PDCD6IP: variants seen among roughly 807,000 people sequenced by gnomAD.
PDCD6IP encodes programmed cell death 6-interacting protein.
In PDCD6IP, 43 loss-of-function variants were observed where a neutral mutation model predicts 103.7. That is an observed-to-expected ratio of 0.41 (90% CI 0.32 to 0.53). PDCD6IP has a LOEUF of 0.53. Among genes scored for constraint, PDCD6IP ranks in the 20% least tolerant of loss-of-function variants. The pLI is 0.16. For synonymous variants in PDCD6IP, 354 were observed against 378.7 expected (o/e 0.93, Z 0.76); for missense variants, 871 against 1,036.7 (o/e 0.84, Z 2.20).
chr3:33,828,854 A>G lies in PDCD6IP; in HGVS notation c.719A>G (p.Glu240Gly). 1 of 1,612,828 alleles carries G rather than the reference A, an allele frequency of 6.2e-7. No individual in the cohort carries two copies. The highest frequency in any genetic ancestry group is 8.5e-7 in the Non-Finnish European group (1 of 1,179,130). ...CCTGGTCAGTATTTTTATTTCCAGG[A>G]GGTGTTCCCTGTCTTGGCTGCAAAG... The part of the protein sequence containing the change: ...QCQYKDTLPK[E>G]VFPVLAAKHC... Residue 240 changes from glutamate to glycine, a missense_variant and splice_region_variant, in exon 7 of 18, where the codon GAG (glutamate) becomes GGG (glycine). By Grantham distance (98) the Glu-to-Gly change is moderately conservative. Transcript: ENST00000307296.
chr3:33,832,883 A>G (rs183842189), intron 7 of PDCD6IP, among the ~76,000 whole-genome samples: 75 of 152,210 alleles, frequency 4.9e-4, no homozygotes, highest in Non-Finnish European at 9.9e-4. Flanking sequence ...GTGTTTCTTC[A>G]TATGAATTTT....
At chr3:33,802,298 C>G (rs1559768631) in intron 1 of PDCD6IP, among the ~76,000 whole-genome samples, 1 of 152,002 alleles carries the variant, frequency 6.6e-6, no homozygotes, top group East Asian at 1.9e-4. Context: ...TTTTGTGTGT[C>G]CTTCTGATAG....
chr3:33,817,230 TC>T (rs1287085027), intron 3 of PDCD6IP, among the ~76,000 whole-genome samples: 1 of 152,112 alleles, frequency 6.6e-6, no homozygotes, highest in Non-Finnish European at 1.5e-5. Context: ...TCAGAGTAAT[TC>T]CTCCTCCCTC....
chr3:33,865,139 T>C (rs1395087195), intron 16 of PDCD6IP, 104 bp from the exon 17 acceptor site: 3 of 673,372 alleles, frequency 4.5e-6, no homozygotes, highest in Non-Finnish European at 7.0e-6. Context: ...AAAATATATT[T>C]GGTTGGATTC....
chr3:33,855,690 G>C (rs569309187), intron 15 of PDCD6IP, among the ~76,000 whole-genome samples: 2 of 152,166 alleles, frequency 1.3e-5, no homozygotes, highest in Admixed American at 6.5e-5. Flanking sequence ...GTTAACATAC[G>C]ACTCATTTCC....
chr3:33,807,100 A>C (rs1486409384), intron 1 of PDCD6IP, among the ~76,000 whole-genome samples: 1 of 152,234 alleles, frequency 6.6e-6, no homozygotes, highest in Non-Finnish European at 1.5e-5. Flanking sequence ...CCCCCCATAC[A>C]GCTCAGGTTT....
At chr3:33,799,200 A>G (rs1184598127) in intron 1 of PDCD6IP, 3 of 554,376 alleles carry the variant, frequency 5.4e-6, no homozygotes, top group Non-Finnish European at 6.4e-6. Context: ...ACCTGGGAGC[A>G]GCAGTCTGCC....
chr3:33,847,737 G>C (rs1311631475), intron 12 of PDCD6IP, among the ~76,000 whole-genome samples: 1 of 152,198 alleles, frequency 6.6e-6, no homozygotes, highest in Non-Finnish European at 1.5e-5. Context: ...AAATTTTGCA[G>C]ACTAGTGGTA....
chr3:33,821,943 A>T lies in PDCD6IP; in HGVS notation c.335-12A>T. ...ATAATCTGATGAATTTTTCCTTCTCAATTTTTTACAGCTCTTGCAAGCTTA... is the reference window on the plus strand; with the variant it reads ...ATAATCTGATGAATTTTTCCTTCTCTATTTTTTACAGCTCTTGCAAGCTTA... On this transcript the variant is annotated splice_polypyrimidine_tract_variant and intron_variant, in intron 3 of 17. Transcript: ENST00000307296. 1 of 1,598,780 alleles carries T rather than the reference A, an allele frequency of 6.3e-7. No homozygotes were observed. Among genetic ancestry groups the T allele is most frequent in the Non-Finnish European group, 8.5e-7 (1 of 1,174,806 alleles).
intron 3 of PDCD6IP, among the ~76,000 whole-genome samples, chr3:33,816,364 T>C (rs976069573): frequency 6.6e-6 from 1 of 151,380 alleles, no homozygotes; most frequent in African/African-American, 2.4e-5. Flanking sequence ...ATTAGCCAGG[T>C]ATAGTGGCGC....
chr3:33,865,095 A>G (rs1698033364), intron 16 of PDCD6IP, 148 bp from the exon 17 acceptor site: 3 of 557,100 alleles, frequency 5.4e-6, no homozygotes, highest in African/African-American at 2.0e-5. Flanking sequence ...ATATATTTCT[A>G]TAGTAATAAG....
chr3:33,835,696 C>T (rs867943979), intron 7 of PDCD6IP, among the ~76,000 whole-genome samples: 2 of 151,362 alleles, frequency 1.3e-5, no homozygotes, highest in African/African-American at 2.4e-5. Flanking sequence ...CCAGCCTGGG[C>T]GTCACAGAGT....
intron 4 of PDCD6IP, among the ~76,000 whole-genome samples, chr3:33,823,040 A>C (rs1292551117): frequency 6.6e-6 from 1 of 151,904 alleles, no homozygotes; most frequent in Non-Finnish European, 1.5e-5. Flanking sequence ...TATATATATA[A>C]TCATGTTGTC....
chr3:33,864,822 A>G (rs1698029045), intron 16 of PDCD6IP, among the ~76,000 whole-genome samples: 1 of 152,256 alleles, frequency 6.6e-6, no homozygotes, highest in African/African-American at 2.4e-5. Context: ...AGCAGAAATG[A>G]CAAATGTTAA....
intron 14 of PDCD6IP, 42 bp downstream of exon 14, chr3:33,854,055 G>A (rs757190300): frequency 1.3e-6 from 2 of 1,521,622 alleles, no homozygotes; most frequent in South Asian, 2.7e-5. Context: ...AGCAAGTACA[G>A]ATGTGAACGC....
At position 33,813,678 on chromosome 3, in the gene PDCD6IP, C is replaced by T. The variant is rs111655514; in HGVS notation, c.334+50C>T. 35 of 1,047,478 alleles carry T rather than the reference C, an allele frequency of 3.3e-5. 1 individual carries two copies. The African/African-American group carries it at 3.8e-4, about 11-fold the overall frequency. The allele number at this position is 1,047,478 out of a possible 1,614,324, so 64.9% of individuals were successfully genotyped here. A position where few individuals can be genotyped will look rare whatever the true frequency, so the allele number is the denominator to read the frequency against. On this transcript the variant is annotated intron_variant, in intron 3 of 17. Transcript: ENST00000307296. Reference sequence around the variant, plus strand: ...TAGGAAAATTGGTCTAACTACTTTGCATTGTTTTTAGTTTTTAAAATTGTT... The same window carrying T: ...TAGGAAAATTGGTCTAACTACTTTGTATTGTTTTTAGTTTTTAAAATTGTT...
intron 6 of PDCD6IP, chr3:33,828,043 A>G (rs999470234): frequency 6.6e-6 from 1 of 152,130 alleles, no homozygotes; most frequent in Non-Finnish European, 1.5e-5. Context: ...TTTTAATATC[A>G]TATACTTCCT....
chr3:33,845,574 A>C lies in PDCD6IP; in HGVS notation c.1627A>C (p.Met543Leu). The change falls in exon 12 of 18, where the codon ATG becomes CTG. Residue 543 changes from methionine to leucine, a missense_variant. This residue lies in a region of PDCD6IP where 266 missense variants were observed against 390.5 expected (regional missense o/e 0.68). Transcript: ENST00000307296. ...CCCTTCTGCTAATCCAGCAAAGACC[A>C]TGCAGGGCAGTGAGGTAAGAAGGAC... ...AIPSANPAKT[M>L]QGSEVVNVLK... 6.2e-7 allele frequency: 1 copy of C among 1,608,124 alleles called. No individual in the cohort carries two copies. Among genetic ancestry groups the C allele is most frequent in the Non-Finnish European group, 8.5e-7 (1 of 1,176,408 alleles).
intron 7 of PDCD6IP, among the ~76,000 whole-genome samples, chr3:33,832,910 A>T (rs1374981320): frequency 6.6e-6 from 1 of 152,130 alleles, no homozygotes; most frequent in Non-Finnish European, 1.5e-5. Flanking sequence ...TTTAACTATG[A>T]TGGAAAACAT....
Sources: allele counts gnomAD v4.1 joint callset (sites outside exome capture counted in the v4.1 genomes callset), GRCh38; gene constraint gnomAD v4.1.1; regional missense constraint gnomAD v4.1.1; transcripts MANE v1.5; gene names NCBI Gene and HGNC (gene_info 2026-07-23, HGNC 2026-07-21).